The following RAD18 variants were observed in gnomAD, a reference collection of about 807,000 sequenced individuals.
The protein encoded by RAD18 is E3 ubiquitin-protein ligase RAD18.
Under a neutral mutation model 60.4 loss-of-function variants are expected in RAD18, and 47 were observed. The observed-to-expected ratio is 0.78, with a 90% CI of 0.62 to 0.99. The LOEUF is 0.99. Ranked by LOEUF, RAD18 falls within the 50% of genes least tolerant of loss-of-function variation. The pLI is 0.00. For missense variants in RAD18, 640 were observed against 593.3 expected (o/e 1.08, Z -0.82); for synonymous variants, 225 against 195.5 (o/e 1.15, Z -1.26).
rs528371501 is a variant in RAD18 at position 8,939,780 on chromosome 3, G to C, written c.605-127C>G. ...AACTTAACATGCACTTAGAAAAGCA[G>C]AAAAGAAAAAGAATGGCCCATCGGG... On this transcript the variant is annotated intron_variant, in intron 5 of 12. Coordinates refer to ENST00000264926, the MANE Select transcript of RAD18 (RefSeq NM_020165.4). The C allele has an allele frequency of 6.4e-5, 48 of 750,806 alleles. No individual in the cohort carries two copies. The African/African-American group carries it at 7.9e-4, about 12-fold the overall frequency. The allele number at this position is 750,806 out of a possible 1,614,324, so 46.5% of individuals were successfully genotyped here. A position where few individuals can be genotyped will look rare whatever the true frequency, so the allele number is the denominator to read the frequency against.
intron 7 of RAD18, among the ~76,000 whole-genome samples, chr3:8,935,144 T>A (rs1940626713): frequency 6.6e-6 from 1 of 152,226 alleles, no homozygotes; most frequent in African/African-American, 2.4e-5. Context: ...CTTTATGAAA[T>A]TTAGTTTGTG....
chr3:8,907,555 A>G (rs1219887945), intron 9 of RAD18, among the ~76,000 whole-genome samples: 2 of 152,112 alleles, frequency 1.3e-5, no homozygotes, highest in Admixed American at 1.3e-4. Flanking sequence ...CTTTGCCCAT[A>G]AAAACACTTC....
intron 9 of RAD18, among the ~76,000 whole-genome samples, chr3:8,910,344 T>A (rs1940085289): frequency 6.6e-6 from 1 of 152,222 alleles, no homozygotes; most frequent in Non-Finnish European, 1.5e-5. Flanking sequence ...CTCACGCCTG[T>A]AATCCCAGCA....
Position 8,948,523 on chromosome 3 carries a change from G to A in RAD18, c.181C>T (p.Pro61Ser). The A allele has an allele frequency of 4.3e-6, 7 of 1,612,632 alleles. No homozygotes were observed. The highest frequency in any genetic ancestry group is 5.9e-6 in the Non-Finnish European group (7 of 1,179,030). The change falls in exon 3 of 13, where the codon CCA becomes TCA. Residue 61 changes from proline (P) to serine (S), a missense_variant. Physicochemically the swap from Pro to Ser is moderately conservative, Grantham distance 74. Coordinates refer to ENST00000264926, the MANE Select transcript of RAD18 (RefSeq NM_020165.4). ...RKFLSYKTQC[P>S]TCCVTVTEPD... is the part of the protein sequence containing the mutation. ...CAAAAACTCACCACACAGCAAGTTG[G>A]ACACTGAGTTTTATAGGACAGAAAT... is the stretch of plus-strand genomic sequence containing the variant.
chr3:8,926,875 G>A (rs532610425), intron 7 of RAD18, among the ~76,000 whole-genome samples: 657 of 152,230 alleles, frequency 4.3e-3, no homozygotes, highest in Non-Finnish European at 7.6e-3. Context: ...GCTGAAACTG[G>A]ATCCCTTCCT....
At position 8,913,736 on chromosome 3, in the gene RAD18, A is replaced by G; in HGVS notation, c.890-16T>C. On this transcript the variant is annotated splice_polypyrimidine_tract_variant and intron_variant, in intron 7 of 12. Coordinates refer to ENST00000264926, the MANE Select transcript of RAD18 (RefSeq NM_020165.4). ...ATTTCAGCAGCTGTTAAAATAAGAA[A>G]ATAACCACTAGGTTAATCACATGTC... The G allele has an allele frequency of 6.8e-7, 1 of 1,469,064 alleles. No homozygotes were observed. Among genetic ancestry groups the G allele is most frequent in the Admixed American group, 2.0e-5 (1 of 49,728 alleles). 91.0% of individuals were successfully genotyped at this position (1,469,064 alleles called of 1,614,324 possible).
At chr3:8,943,110 C>T (rs951728880) in intron 4 of RAD18, among the ~76,000 whole-genome samples, 3 of 152,160 alleles carry the variant, frequency 2.0e-5, no homozygotes, top group Non-Finnish European at 2.9e-5. Flanking sequence ...AATTTAACTG[C>T]CTCTTAGAAC....
chr3:8,913,014 C>T (rs1463539692), intron 8 of RAD18, among the ~76,000 whole-genome samples: 1 of 141,756 alleles, frequency 7.1e-6, no homozygotes, highest in Non-Finnish European at 1.5e-5. Context: ...TTTCTCCTTA[C>T]AAACACACTA....
At position 8,941,127 on chromosome 3, in the gene RAD18, G is replaced by A. The variant is rs45578233; in HGVS notation, c.604+340C>T. Among the ~76,000 whole-genome samples, 67 of 152,334 alleles carry A rather than the reference G, an allele frequency of 4.4e-4. 1 individual carries two copies. The highest frequency in any genetic ancestry group is 1.4e-3 in the African/African-American group (58 of 41,582). ...GGCAGAACAGTGAGGAGGCATTCAAGTGGTGGTAAAATAAGATAAAAAGAG... is the reference window on the plus strand; with the variant it reads ...GGCAGAACAGTGAGGAGGCATTCAAATGGTGGTAAAATAAGATAAAAAGAG... On this transcript the variant is annotated intron_variant, in intron 5 of 12. Coordinates refer to ENST00000264926, the MANE Select transcript of RAD18 (RefSeq NM_020165.4).
chr3:8,913,652 T>G lies in RAD18; in HGVS notation c.958A>C (p.Asn320His), dbSNP rs776343477. ...TRMRLEASKL[N>H]ESVMVFTKDQ... is the part of the protein sequence containing the mutation. ...ATAGCCCATTAACATACACTTTCAT[T>G]GAGTTTACTAGCTTCAAGACGCATC... is the stretch of plus-strand genomic sequence containing the variant. The change falls in exon 8 of 13, where the codon AAT becomes CAT. Residue 320 changes from asparagine (N) to histidine (H), a missense_variant. Transcript: ENST00000264926. 2.6e-6 allele frequency: 4 copies of G among 1,556,958 alleles called. No individual in the cohort carries two copies. The highest frequency in any genetic ancestry group is 2.6e-6 in the Non-Finnish European group (3 of 1,147,640).
chr3:8,907,215 C>A (rs1429124495), intron 9 of RAD18, among the ~76,000 whole-genome samples: 3 of 152,206 alleles, frequency 2.0e-5, no homozygotes, highest in Non-Finnish European at 4.4e-5. Flanking sequence ...TTTTTGCTTA[C>A]CTCTCAAGGA....
At position 8,934,333 on chromosome 3, in the gene RAD18, T is replaced by C. The variant is rs1002244538; in HGVS notation, c.889+1538A>G. Among the ~76,000 whole-genome samples the C allele has an allele frequency of 3.9e-5, 6 of 152,092 alleles. No individual in the cohort carries two copies. The South Asian group carries it at 6.2e-4, about 16-fold the overall frequency. The stretch of plus-strand genomic sequence containing the variant: ...CCATTAAGAGAGTGAAAAGGTGAAA[T>C]TAGAAATGTACATACATCCAGCAAA... On this transcript the variant is annotated intron_variant, in intron 7 of 12. Transcript: ENST00000264926.
chr3:8,921,624 A>G lies in RAD18; in HGVS notation c.890-7904T>C, dbSNP rs543316944. 7.9e-5 allele frequency among the ~76,000 whole-genome samples: 12 copies of G among 152,248 alleles called. No individual in the cohort carries two copies. The South Asian group carries it at 2.5e-3, about 32-fold the overall frequency. On this transcript the variant is annotated intron_variant, in intron 7 of 12. Transcript: ENST00000264926. The stretch of plus-strand genomic sequence containing the variant: ...CACTGCACTCCAACCTGGGTGACAG[A>G]GCAAGACCCTATCTTTAAAAAAAAA...
intron 1 of RAD18, 26 bp from the exon 2 acceptor site, chr3:8,959,027 A>C (rs1212611943): frequency 1.3e-6 from 2 of 1,587,002 alleles, no homozygotes; most frequent in Non-Finnish European, 1.7e-6. Context: ...GCATATATAC[A>C]TATCAGAAAG....
At chr3:8,946,385 C>T (rs148739153) in intron 4 of RAD18, among the ~76,000 whole-genome samples, 45 of 152,286 alleles carry the variant, frequency 3.0e-4, no homozygotes, top group Non-Finnish European at 5.4e-4. Context: ...CACACAGCAA[C>T]CAAATTGCCT....
chr3:8,904,697 G>A (rs147556620), intron 9 of RAD18, among the ~76,000 whole-genome samples: 17 of 152,078 alleles, frequency 1.1e-4, no homozygotes, highest in Non-Finnish European at 2.5e-4. Flanking sequence ...AGAATCAATG[G>A]GCTAACACTA....
intron 2 of RAD18, among the ~76,000 whole-genome samples, chr3:8,954,537 T>A (rs1291633302): frequency 1.3e-5 from 2 of 152,126 alleles, no homozygotes; most frequent in Non-Finnish European, 2.9e-5. Flanking sequence ...GTAAGTCTGC[T>A]CCCTCTCGCC....
intron 4 of RAD18, among the ~76,000 whole-genome samples, chr3:8,942,191 A>G (rs1940761644): frequency 6.6e-6 from 1 of 152,206 alleles, no homozygotes; most frequent in African/African-American, 2.4e-5. Flanking sequence ...TGACTGGATC[A>G]TGAGGGCGAA....
intron 7 of RAD18, among the ~76,000 whole-genome samples, chr3:8,919,780 A>C (rs1428022010): frequency 6.6e-6 from 1 of 152,228 alleles, no homozygotes; most frequent in Non-Finnish European, 1.5e-5. Context: ...GGGCTGGGGC[A>C]TGGAAGAGCA....
Sources: gnomAD v4.1 joint callset for allele counts (sites outside exome capture counted in the v4.1 genomes callset) on GRCh38, gnomAD v4.1.1 for gene constraint, MANE v1.5 for transcripts, NCBI Gene and HGNC (gene_info 2026-07-23, HGNC 2026-07-21) for gene names.